Variants in TANGO6 observed in about 807,000 individuals in gnomAD.
TANGO6 encodes transport and Golgi organization protein 6 homolog.
A neutral mutation model predicts 114.2 loss-of-function variants in TANGO6; 90 were observed. The observed-to-expected ratio is 0.79, with a 90% CI of 0.66 to 0.94. The LOEUF is 0.94. Ranked by LOEUF, TANGO6 falls within the 40% of genes least tolerant of loss-of-function variation. The pLI is 0.00. For missense variants in TANGO6, 1,274 were observed against 1,315.3 expected (o/e 0.97, Z 0.49); for synonymous variants, 477 against 509.8 (o/e 0.94, Z 0.87).
chr16:69,050,329 T>C (rs935269688), intron 17 of TANGO6, among the ~76,000 whole-genome samples: 1 of 152,084 alleles, frequency 6.6e-6, no homozygotes, highest in African/African-American at 2.4e-5. Context: ...CTAAAGATGT[T>C]GAGCTTGTTA....
chr16:68,858,747 T>C (rs2152156201), intron 1 of TANGO6, among the ~76,000 whole-genome samples: 1 of 152,164 alleles, frequency 6.6e-6, no homozygotes, highest in South Asian at 2.1e-4. Context: ...CCTCCCAAAG[T>C]ACTGAGACTA....
intron 7 of TANGO6, among the ~76,000 whole-genome samples, chr16:68,889,339 T>C (rs964544619): frequency 6.6e-6 from 1 of 152,200 alleles, no homozygotes; most frequent in Admixed American, 6.5e-5. Flanking sequence ...TAACCACTCA[T>C]TTTGTAGTAA....
chr16:68,917,919 A>AT (rs542643969), intron 11 of TANGO6, among the ~76,000 whole-genome samples: 10,485 of 137,430 alleles, frequency 0.076, 415 homozygotes, highest in African/African-American at 0.097. Flanking sequence ...TGCCTGGCTA[A>AT]TTTTTTTTTT....
chr16:68,882,329 T>C (rs1723424347), intron 7 of TANGO6, among the ~76,000 whole-genome samples: 1 of 151,788 alleles, frequency 6.6e-6, no homozygotes, highest in Admixed American at 6.6e-5. Context: ...ACCCCGTCTC[T>C]ACTAAAAATA....
intron 10 of TANGO6, among the ~76,000 whole-genome samples, chr16:68,908,190 A>C (rs1234153008): frequency 1.3e-5 from 2 of 151,990 alleles, no homozygotes; most frequent in Non-Finnish European, 2.9e-5. Flanking sequence ...TAAAGTGTCT[A>C]CTCTAAAAGA....
intron 17 of TANGO6, among the ~76,000 whole-genome samples, chr16:69,058,412 C>T (rs1960065667): frequency 6.6e-6 from 1 of 152,188 alleles, no homozygotes; most frequent in Admixed American, 6.5e-5. Flanking sequence ...CCCCTAACAA[C>T]CTTGTGAGAG....
chr16:68,918,159 C>T (rs1339095958), intron 11 of TANGO6, among the ~76,000 whole-genome samples: 1 of 152,144 alleles, frequency 6.6e-6, no homozygotes, highest in African/African-American at 2.4e-5. Context: ...CTACCCACCT[C>T]AGCCTCCCAA....
At chr16:68,853,640 A>C (rs777372696) in intron 1 of TANGO6, among the ~76,000 whole-genome samples, 8 of 152,086 alleles carry the variant, frequency 5.3e-5, no homozygotes, top group Non-Finnish European at 1.2e-4. Flanking sequence ...TTGTGTATTA[A>C]TTTTTCTTGG....
At chr16:68,864,893 C>A (rs542795894) in intron 3 of TANGO6, among the ~76,000 whole-genome samples, 1 of 152,074 alleles carries the variant, frequency 6.6e-6, no homozygotes, top group African/African-American at 2.4e-5. Context: ...ACACCATAAT[C>A]CCTCAGTAAA....
intron 17 of TANGO6, among the ~76,000 whole-genome samples, chr16:69,056,375 A>T (rs1960032276): frequency 6.6e-6 from 1 of 152,182 alleles, no homozygotes; most frequent in Admixed American, 6.6e-5. Context: ...GAATTTTAGG[A>T]TGTTAGAAGT....
chr16:68,924,860 C>T (rs980773691), intron 12 of TANGO6, among the ~76,000 whole-genome samples: 6 of 151,986 alleles, frequency 3.9e-5, no homozygotes, highest in East Asian at 3.9e-4. Context: ...TGGACAACCC[C>T]AGGGGCTAGA....
chr16:68,866,802 T>C (rs1962185018), intron 3 of TANGO6, among the ~76,000 whole-genome samples: 1 of 151,916 alleles, frequency 6.6e-6, no homozygotes. Context: ...CCAGGCATAG[T>C]GGCACGTGCC....
At chr16:68,889,462 TG>T in intron 7 of TANGO6, among the ~76,000 whole-genome samples, 2 of 152,308 alleles carry the variant, frequency 1.3e-5, no homozygotes, top group East Asian at 3.9e-4. Context: ...TCTCCCTTTC[TG>T]TGTTTAAAAA....
At chr16:68,903,627 A>AAG (rs1406548247) in intron 9 of TANGO6, among the ~76,000 whole-genome samples, 2 of 150,438 alleles carry the variant, frequency 1.3e-5, no homozygotes, top group Admixed American at 6.7e-5. Flanking sequence ...AAAAAAAAAA[A>AAG]AAAAAAAAGA....
chr16:69,011,798 G>A (rs1381459178), intron 15 of TANGO6, among the ~76,000 whole-genome samples: 1 of 152,150 alleles, frequency 6.6e-6, no homozygotes. Flanking sequence ...ATCCTTTCTG[G>A]AAGAAGATGG....
intron 14 of TANGO6, among the ~76,000 whole-genome samples, chr16:68,933,367 A>G (rs1169550777): frequency 6.6e-6 from 1 of 152,210 alleles, no homozygotes; most frequent in Non-Finnish European, 1.5e-5. Flanking sequence ...GTGAGCCGAG[A>G]TGGCACCACT....
At chr16:68,880,009 G>T (rs906394623) in intron 6 of TANGO6, among the ~76,000 whole-genome samples, 2 of 151,430 alleles carry the variant, frequency 1.3e-5, no homozygotes, top group African/African-American at 4.9e-5. Context: ...GTCTCACTCT[G>T]TTGCCCATGC....
intron 11 of TANGO6, among the ~76,000 whole-genome samples, chr16:68,913,315 C>T (rs936440073): frequency 1.3e-5 from 2 of 151,508 alleles, no homozygotes; most frequent in Non-Finnish European, 2.9e-5. Flanking sequence ...GCCCTAGTAG[C>T]TGATCTAGCA....
intron 15 of TANGO6, among the ~76,000 whole-genome samples, chr16:69,001,518 T>C (rs1386273909): frequency 3.3e-5 from 5 of 152,168 alleles, no homozygotes; most frequent in African/African-American, 1.2e-4. Context: ...ACAACACATA[T>C]AAATACACAG....
Sources: gnomAD v4.1 joint callset for allele counts (sites outside exome capture counted in the v4.1 genomes callset) on GRCh38, gnomAD v4.1.1 for gene constraint, MANE v1.5 for transcripts, NCBI Gene and HGNC (gene_info 2026-07-23, HGNC 2026-07-21) for gene names.